The following FSTL5 variants were observed in gnomAD, a reference collection of about 807,000 sequenced individuals.
FSTL5 encodes follistatin-related protein 5.
Under a neutral mutation model 89.1 loss-of-function variants are expected in FSTL5, and 62 were observed. That is an observed-to-expected ratio of 0.70 (90% confidence interval 0.57 to 0.86). The LOEUF is 0.86. FSTL5 is among the 40% of genes least tolerant of loss of function. The pLI, the probability that FSTL5 is intolerant of heterozygous loss-of-function variation, is 0.00. For synonymous variants in FSTL5, 383 were observed against 346.2 expected (o/e 1.11, Z -1.18); for missense variants, 1,057 against 1,001.6 (o/e 1.06, Z -0.75).
intron 2 of FSTL5, among the ~76,000 whole-genome samples, chr4:162,034,210 T>C (rs1737646190): frequency 6.6e-6 from 1 of 152,126 alleles, no homozygotes; most frequent in Non-Finnish European, 1.5e-5. Flanking sequence ...AACAAATGGT[T>C]AATGAATAAT....
chr4:161,803,774 C>T (rs1729870696), intron 4 of FSTL5, among the ~76,000 whole-genome samples: 1 of 152,010 alleles, frequency 6.6e-6, no homozygotes, highest in Non-Finnish European at 1.5e-5. Context: ...TTATTGCTAA[C>T]TTGATCTAAG....
rs1030604966 is a variant in FSTL5 at position 161,907,959 on chromosome 4, G to GA, written c.409+12444dup. Among the ~76,000 whole-genome samples the GA allele has an allele frequency of 1.2e-3, 182 of 151,920 alleles. 1 individual carries two copies. The highest frequency in any genetic ancestry group is 3.9e-3 in the African/African-American group (161 of 41,376). ...ACTCAGTAATAATAAGCTGGCAAGA[G>GA]AAAAAATTGGATGTCCATGAATAAT... On this transcript the variant is annotated intron_variant, in intron 4 of 15. Transcript: ENST00000306100.
chr4:161,875,965 C>A (rs1354704284), intron 4 of FSTL5, among the ~76,000 whole-genome samples: 1 of 152,128 alleles, frequency 6.6e-6, no homozygotes, highest in Non-Finnish European at 1.5e-5. Context: ...AGCATACAAC[C>A]ACAAATGAAA....
chr4:161,704,853 G>A (rs1306897350), intron 6 of FSTL5, among the ~76,000 whole-genome samples: 2 of 151,888 alleles, frequency 1.3e-5, no homozygotes, highest in East Asian at 1.9e-4. Flanking sequence ...TTCTCATTAC[G>A]AGCCACTAGA....
intron 2 of FSTL5, among the ~76,000 whole-genome samples, chr4:162,043,822 C>G (rs1738068677): frequency 6.6e-6 from 1 of 152,178 alleles, no homozygotes; most frequent in Admixed American, 6.6e-5. Flanking sequence ...CAAGAAACCA[C>G]TTTCTTTGCT....
At chr4:161,883,698 G>T (rs1317237190) in intron 4 of FSTL5, among the ~76,000 whole-genome samples, 1 of 152,074 alleles carries the variant, frequency 6.6e-6, no homozygotes, top group East Asian at 1.9e-4. Flanking sequence ...TAATGTGTAG[G>T]TTAAACAAAG....
chr4:161,656,403 T>C lies in FSTL5; in HGVS notation c.819A>G (p.Gln273=). 1.2e-6 allele frequency: 2 copies of C among 1,611,448 alleles called. No individual in the cohort carries two copies. Among genetic ancestry groups the C allele is most frequent in the East Asian group, 2.2e-5 (1 of 44,790 alleles). ...GQSAVLSCAI[Q]GTLRPPIIWK... ...AGATAATGGGAGGTCTCAGGGTTCC[T>C]TGAATGGCACAGCTCAGAACAGCAC... is the stretch of plus-strand genomic sequence containing the variant. The change falls in exon 7 of 16, where the codon CAA becomes CAG. Residue 273 remains glutamine, a synonymous_variant. Coordinates refer to ENST00000306100, the MANE Select transcript of FSTL5 (RefSeq NM_020116.5).
intron 9 of FSTL5, among the ~76,000 whole-genome samples, chr4:161,540,674 CCCACCAGGAG>C (rs1242069870): frequency 6.6e-6 from 1 of 152,014 alleles, no homozygotes; most frequent in Non-Finnish European, 1.5e-5. Flanking sequence ...TCTAAGCCTC[CCCACCAGGAG>C]CTACTATCTT....
intron 12 of FSTL5, among the ~76,000 whole-genome samples, chr4:161,490,490 G>T (rs1729828761): frequency 6.6e-6 from 1 of 152,116 alleles, no homozygotes; most frequent in African/African-American, 2.4e-5. Context: ...TTTTGTGACT[G>T]CTGGATTATC....
rs1739664642 is a variant in FSTL5, at chr4:161,732,884, T to A, written c.727+26527A>T. Among the ~76,000 whole-genome samples the A allele has an allele frequency of 2.0e-5, 3 of 151,924 alleles. 1 individual carries two copies. In the South Asian group the frequency reaches 6.2e-4, roughly 31 times the overall value. The stretch of plus-strand genomic sequence containing the variant: ...CATCATGTACATACCACTCTGTTTT[T>A]ATTACTGTAGTTTTATAATGTTTTA... On this transcript the variant is annotated intron_variant, in intron 6 of 15. Transcript: ENST00000306100.
intron 4 of FSTL5, among the ~76,000 whole-genome samples, chr4:161,863,591 T>C (rs866725869): frequency 1.3e-5 from 2 of 152,184 alleles, no homozygotes; most frequent in Admixed American, 1.3e-4. Context: ...GTAAATAGCA[T>C]AAAAGAGTTT....
chr4:161,502,074 A>G (rs2126486969), intron 11 of FSTL5, among the ~76,000 whole-genome samples: 1 of 152,070 alleles, frequency 6.6e-6, no homozygotes, highest in South Asian at 2.1e-4. Context: ...ACCCTTCTTT[A>G]ACTTTGCCAA....
intron 10 of FSTL5, among the ~76,000 whole-genome samples, chr4:161,513,143 C>G (rs1376880300): frequency 1.3e-5 from 2 of 151,774 alleles, no homozygotes; most frequent in Non-Finnish European, 2.9e-5. Flanking sequence ...TTTTTAAAAA[C>G]CAAATATAAC....
intron 15 of FSTL5, among the ~76,000 whole-genome samples, chr4:161,389,609 AT>A (rs1220000853): frequency 6.6e-6 from 1 of 152,130 alleles, no homozygotes; most frequent in Non-Finnish European, 1.5e-5. Context: ...CATGATCCAG[AT>A]TTTCAAAATA....
chr4:162,008,225 A>C (rs1280381207), intron 3 of FSTL5, among the ~76,000 whole-genome samples: 1 of 151,852 alleles, frequency 6.6e-6, no homozygotes, highest in African/African-American at 2.4e-5. Context: ...ACAAATCTTC[A>C]TCTTGATCTT....
At position 161,687,912 on chromosome 4, in the gene FSTL5, C is replaced by T. The variant is rs540198262; in HGVS notation, c.728-31418G>A. Among the ~76,000 whole-genome samples, 5 of 152,318 alleles carry T rather than the reference C, an allele frequency of 3.3e-5. No individual in the cohort carries two copies. The East Asian group carries it at 9.6e-4, about 29-fold the overall frequency. On this transcript the variant is annotated intron_variant, in intron 6 of 15. Transcript: ENST00000306100. ...AGCCCTCATGAATGAATTAATGCTT[C>T]TATAAAAAGGCTTACGGAAGTGAGT... is the stretch of plus-strand genomic sequence containing the variant.
At chr4:162,090,534 A>C (rs1730504556) in intron 2 of FSTL5, among the ~76,000 whole-genome samples, 1 of 152,082 alleles carries the variant, frequency 6.6e-6, no homozygotes, top group South Asian at 2.1e-4. Flanking sequence ...CAAAACCACA[A>C]TCAAGGCCGG....
intron 7 of FSTL5, among the ~76,000 whole-genome samples, chr4:161,654,893 C>G (rs968101333): frequency 3.3e-5 from 5 of 152,064 alleles, no homozygotes; most frequent in African/African-American, 1.2e-4. Context: ...TTTTGATGCT[C>G]ACTCTAAACA....
At chr4:161,442,121 T>G (rs1732791220) in intron 15 of FSTL5, among the ~76,000 whole-genome samples, 1 of 151,242 alleles carries the variant, frequency 6.6e-6, no homozygotes, top group Admixed American at 6.6e-5. Context: ...TTTGCTTTGC[T>G]TTGCTTCCAG....
Sources: gnomAD v4.1 joint callset for allele counts (sites outside exome capture counted in the v4.1 genomes callset) on GRCh38, gnomAD v4.1.1 for gene constraint, MANE v1.5 for transcripts, NCBI Gene and HGNC (gene_info 2026-07-23, HGNC 2026-07-21) for gene names.